Variants in ZNF638 observed in about 807,000 individuals in gnomAD.
ZNF638 encodes the protein CTCL tumor antigen se33-1.
Under a neutral mutation model 195.6 loss-of-function variants are expected in ZNF638, and 46 were observed. The observed-to-expected ratio is 0.24, with a 90% CI of 0.19 to 0.30. The LOEUF (loss-of-function observed/expected upper bound fraction) is 0.30. Ranked by LOEUF, ZNF638 falls within the 10% of genes least tolerant of loss-of-function variation. The pLI, the probability that ZNF638 is intolerant of heterozygous loss-of-function variation, is 1.00. For synonymous variants in ZNF638, 845 were observed against 772.0 expected (o/e 1.09, Z -1.57); for missense variants, 2,440 against 2,325.3 (o/e 1.05, Z -1.01).
intron 23 of ZNF638, among the ~76,000 whole-genome samples, chr2:71,425,624 AT>A (rs2080523833): frequency 6.6e-6 from 1 of 152,012 alleles, no homozygotes; most frequent in African/African-American, 2.4e-5. Context: ...CTTAGTAATA[AT>A]TTTTTCATAC....
At chr2:71,339,868 C>T (rs1280251147) in intron 1 of ZNF638, among the ~76,000 whole-genome samples, 4 of 152,158 alleles carry the variant, frequency 2.6e-5, no homozygotes, top group African/African-American at 9.7e-5. Flanking sequence ...AGAGCAAGGC[C>T]ACCAGTGCAC....
intron 10 of ZNF638, chr2:71,388,836 A>C: frequency 2.9e-6 from 2 of 700,528 alleles, no homozygotes; most frequent in Non-Finnish European, 5.1e-6. Flanking sequence ...AAAAGTATTG[A>C]AACAACTGCT....
intron 10 of ZNF638, among the ~76,000 whole-genome samples, chr2:71,387,662 C>CAA (rs1202384861): frequency 4.4e-5 from 2 of 45,318 alleles, no homozygotes. Context: ...AAGACTCTCT[C>CAA]AAAAAAAAAA....
At chr2:71,434,066 C>T (rs564185113) in intron 27 of ZNF638, among the ~76,000 whole-genome samples, 27 of 152,108 alleles carry the variant, frequency 1.8e-4, no homozygotes, top group Non-Finnish European at 3.8e-4. Flanking sequence ...TGTCACTTTT[C>T]CATTTAAAAC....
intron 1 of ZNF638, chr2:71,348,396 A>G (rs2078887755): frequency 1.0e-6 from 1 of 995,238 alleles, no homozygotes; most frequent in Non-Finnish European, 1.2e-6. Flanking sequence ...ATTTATAAGT[A>G]TTTTAATGCC....
At position 71,356,400 on chromosome 2, in the gene ZNF638, A is replaced by G. The variant is rs141610177; in HGVS notation, c.1379+620A>G. ...CATCAAATTAAACTCTGTCTTCCCT[A>G]GTACCATTAAACAGTTCCTAGCCAC... On this transcript the variant is annotated intron_variant, in intron 3 of 27. Coordinates refer to ENST00000264447, the MANE Select transcript of ZNF638 (RefSeq NM_014497.5). 6.8e-3 allele frequency among the ~76,000 whole-genome samples: 1,043 copies of G among 152,310 alleles called. 8 individuals carry two copies. Among genetic ancestry groups the G allele is most frequent in the Admixed American group, 0.011 (168 of 15,294 alleles).
In ZNF638 at chr2:71,424,680, A is replaced by G; in HGVS notation, c.4555A>G (p.Lys1519Glu). 1 of 1,613,384 alleles carries G rather than the reference A, an allele frequency of 6.2e-7. No homozygotes were observed. The highest frequency in any genetic ancestry group is 8.5e-7 in the Non-Finnish European group (1 of 1,179,708). ...GGCTGAGCAAAACACTAAGAATCCTAAAAGCACTACTGGTAGAAGTTCCAA... is the reference window on the plus strand; with the variant it reads ...GGCTGAGCAAAACACTAAGAATCCTGAAAGCACTACTGGTAGAAGTTCCAA... ...TLAEQNTKNPKSTTGRSSKSK... is the reference protein window; with the variant it reads ...TLAEQNTKNPESTTGRSSKSK... Residue 1519 changes from lysine (K) to glutamate (E), a missense_variant, in exon 23 of 28, where the codon AAA becomes GAA. Physicochemically the swap from Lys to Glu is moderately conservative, Grantham distance 56. Around this residue, in one of 5 missense-constraint regions of ZNF638, gnomAD observed 1,883 missense variants for 1,739.1 expected, o/e 1.08. Coordinates refer to ENST00000264447, the MANE Select transcript of ZNF638 (RefSeq NM_014497.5).
At chr2:71,419,714 C>CTA (rs1025992448) in intron 21 of ZNF638, among the ~76,000 whole-genome samples, 5 of 152,026 alleles carry the variant, frequency 3.3e-5, no homozygotes, top group African/African-American at 4.8e-5. Flanking sequence ...CTATGTAGTA[C>CTA]TATATATATA....
At chr2:71,370,664 T>A (rs571150245) in intron 8 of ZNF638, among the ~76,000 whole-genome samples, 28 of 152,254 alleles carry the variant, frequency 1.8e-4, no homozygotes, top group Non-Finnish European at 3.5e-4. Context: ...GAAAATATTT[T>A]TATATCTTAA....
intron 10 of ZNF638, chr2:71,388,440 A>G (rs1463803442): frequency 1.0e-5 from 7 of 687,942 alleles, no homozygotes; most frequent in Admixed American, 4.0e-5. Context: ...GGGGGCAACA[A>G]CTACCCACAG....
intron 1 of ZNF638, among the ~76,000 whole-genome samples, chr2:71,335,945 C>CAA (rs2078659057): frequency 6.6e-6 from 1 of 152,204 alleles, no homozygotes; most frequent in Non-Finnish European, 1.5e-5. Context: ...TGATAACTCT[C>CAA]AAGTCTATAA....
In ZNF638 at chr2:71,424,572, T is replaced by G. The variant is rs75730768; in HGVS notation, c.4525-78T>G. 7 of 1,242,014 alleles carry G rather than the reference T, an allele frequency of 5.6e-6. No homozygotes were observed. In the African/African-American group the frequency reaches 7.6e-5, roughly 14 times the overall value. The allele number at this position is 1,242,014 out of a possible 1,614,324, so 76.9% of individuals were successfully genotyped here. ...GGGTAATGTTTACTGTTTTTTTTTG[T>G]TTTTTGTTTTTTTTTCCAGAACATT... On this transcript the variant is annotated intron_variant, in intron 22 of 27. Coordinates refer to ENST00000264447, the MANE Select transcript of ZNF638 (RefSeq NM_014497.5).
Position 71,433,247 on chromosome 2 carries a change from T to G in ZNF638, c.5835T>G (p.Asn1945Lys). 6.2e-7 allele frequency: 1 copy of G among 1,614,044 alleles called. No individual in the cohort carries two copies. The highest frequency in any genetic ancestry group is 8.5e-7 in the Non-Finnish European group (1 of 1,179,912). ...LFYSGEKAMT[N>K]HCKSTRHKQN... Reference sequence around the variant, plus strand: ...ACTCAGGTGAAAAAGCAATGACAAATCACTGCAAGAGTACACGTCATAAGC... The same window carrying G: ...ACTCAGGTGAAAAAGCAATGACAAAGCACTGCAAGAGTACACGTCATAAGC... The change falls in exon 27 of 28, where the codon AAT (asparagine) becomes AAG (lysine). Residue 1945 changes from asparagine (N) to lysine (K), a missense_variant. Coordinates refer to ENST00000264447, the MANE Select transcript of ZNF638 (RefSeq NM_014497.5).
chr2:71,395,649 A>G (rs1480028604), intron 10 of ZNF638: 7 of 524,316 alleles, frequency 1.3e-5, no homozygotes, highest in Admixed American at 2.3e-5. Context: ...GGCCTTTGTC[A>G]TTAAATCTGT....
At chr2:71,336,276 A>G (rs1411713794) in intron 1 of ZNF638, among the ~76,000 whole-genome samples, 1 of 148,210 alleles carries the variant, frequency 6.7e-6, no homozygotes, top group Non-Finnish European at 1.5e-5. Context: ...AGGCTGAGGT[A>G]GGAGAATCGC....
chr2:71,348,657 A>G (rs2078894469), intron 1 of ZNF638, 96 bp from the exon 2 acceptor site: 1 of 1,307,612 alleles, frequency 7.6e-7, no homozygotes, highest in South Asian at 1.5e-5. Flanking sequence ...GAATGGTTTC[A>G]TGGCTTTATT....
chr2:71,427,392 C>T lies in ZNF638; in HGVS notation c.5523C>T (p.Thr1841=), dbSNP rs145701404. Residue 1841 remains threonine, a synonymous_variant, in exon 24 of 28, where the codon ACC becomes ACT. Coordinates refer to ENST00000264447, the MANE Select transcript of ZNF638 (RefSeq NM_014497.5). ...NENVMEEDLK[T]MIERHLTAKT... ...ATGTTATGGAAGAAGATCTAAAAAC[C>T]ATGATTGAAAGACACTTAACAGGTA... The T allele has an allele frequency of 6.4e-7, 1 of 1,573,404 alleles. No homozygotes were observed. The highest frequency in any genetic ancestry group is 1.2e-5 in the South Asian group (1 of 83,128).
In ZNF638 at chr2:71,396,196, GT is replaced by G; in HGVS notation, c.2428+12del. On this transcript the variant is annotated splice_donor_region_variant and intron_variant, in intron 11 of 27. Transcript: ENST00000264447. ...CCAAAGTAAACAAATCTACAGGTAT[GT>G]TTTTTTAATTAGGATTCTAGACTAT... 6.2e-7 allele frequency: 1 copy of G among 1,609,614 alleles called. No individual in the cohort carries two copies. Among genetic ancestry groups the G allele is most frequent in the African/African-American group, 1.3e-5 (1 of 74,686 alleles).
intron 20 of ZNF638, among the ~76,000 whole-genome samples, chr2:71,417,012 G>C (rs1464291262): frequency 6.9e-6 from 1 of 145,408 alleles, no homozygotes; most frequent in African/African-American, 2.6e-5. Context: ...CACCCAGTTC[G>C]AGCTTCCCGG....
Sources: allele counts gnomAD v4.1 joint callset (sites outside exome capture counted in the v4.1 genomes callset), GRCh38; gene constraint gnomAD v4.1.1; regional missense constraint gnomAD v4.1.1; transcripts MANE v1.5; gene names NCBI Gene and HGNC (gene_info 2026-07-23, HGNC 2026-07-21).